GLP2R: variants seen among roughly 807,000 people sequenced by gnomAD.
GLP2R encodes glucagon-like peptide 2 receptor.
Under a neutral mutation model 68.2 loss-of-function variants are expected in GLP2R, and 59 were observed. That is an observed-to-expected ratio of 0.87 (90% confidence interval 0.70 to 1.07). The LOEUF (loss-of-function observed/expected upper bound fraction) is 1.07. GLP2R is among the 50% of genes least tolerant of loss of function. The pLI is 0.00. For missense variants in GLP2R, 548 were observed against 677.4 expected, an observed-to-expected ratio of 0.81 and a Z score of 2.12; for synonymous variants, 270 against 265.4, an observed-to-expected ratio of 1.02 and a Z score of -0.17.
chr17:9,853,350 A>C (rs1400895358), intron 4 of GLP2R: 1 of 184,464 alleles, frequency 5.4e-6, no homozygotes, highest in Non-Finnish European at 1.1e-5. Context: ...AGGTGGACAG[A>C]GATAAATGAC....
intron 10 of GLP2R, among the ~76,000 whole-genome samples, chr17:9,879,311 AAAATAAAAT>A (rs1567737356): frequency 1.3e-5 from 1 of 79,372 alleles, no homozygotes; most frequent in Non-Finnish European, 2.7e-5. Flanking sequence ...AAAATAAAAT[AAAATAAAAT>A]AAAATAAAAT....
intron 4 of GLP2R, among the ~76,000 whole-genome samples, chr17:9,843,334 C>T (rs543029798): frequency 3.3e-5 from 5 of 152,318 alleles, no homozygotes; most frequent in South Asian, 4.2e-4. Context: ...CTGCTCTTCC[C>T]GGCTGTGAAC....
At chr17:9,887,609 G>A (rs977971881) in intron 11 of GLP2R, among the ~76,000 whole-genome samples, 1 of 152,118 alleles carries the variant, frequency 6.6e-6, no homozygotes, top group Non-Finnish European at 1.5e-5. Flanking sequence ...CCCAATATTT[G>A]TATAATTGAA....
chr17:9,881,794 A>C (rs1162774474), intron 11 of GLP2R, among the ~76,000 whole-genome samples: 1 of 152,214 alleles, frequency 6.6e-6, no homozygotes, highest in Admixed American at 6.5e-5. Context: ...CACTGCACAA[A>C]GGCATGAATG....
At chr17:9,864,880 C>T (rs1423116637) in intron 9 of GLP2R, among the ~76,000 whole-genome samples, 1 of 152,142 alleles carries the variant, frequency 6.6e-6, no homozygotes, top group Non-Finnish European at 1.5e-5. Flanking sequence ...CTGCTTTGGG[C>T]CTTGCTGCTT....
chr17:9,840,409 G>A (rs996953888), intron 3 of GLP2R, among the ~76,000 whole-genome samples: 6 of 152,176 alleles, frequency 3.9e-5, no homozygotes, highest in African/African-American at 1.4e-4. Context: ...AAGCATTATG[G>A]CTAGTACAGA....
At chr17:9,838,950 C>T (rs928556221) in intron 3 of GLP2R, among the ~76,000 whole-genome samples, 3 of 152,294 alleles carry the variant, frequency 2.0e-5, no homozygotes, top group East Asian at 3.9e-4. Context: ...GAGGCGGAGC[C>T]TGCAGTGAGC....
Position 9,859,927 on chromosome 17 carries a change from T to C in GLP2R, c.766-15T>C, listed in dbSNP as rs765756568. 2 of 1,583,688 alleles carry C rather than the reference T, an allele frequency of 1.3e-6. No homozygotes were observed. Among genetic ancestry groups the C allele is most frequent in the Non-Finnish European group, 8.6e-7 (1 of 1,162,864 alleles). On this transcript the variant is annotated splice_polypyrimidine_tract_variant and intron_variant, in intron 6 of 12. Coordinates refer to ENST00000262441, the MANE Select transcript of GLP2R (RefSeq NM_004246.3). ...GGGAGCCTGGACTCACCCTCAGGTGTTTTTTCCTCTGCAGATGTCCACCTC... is the reference window on the plus strand; with the variant it reads ...GGGAGCCTGGACTCACCCTCAGGTGCTTTTTCCTCTGCAGATGTCCACCTC...
chr17:9,834,391 C>A (rs1192649636), intron 2 of GLP2R: 1 of 165,808 alleles, frequency 6.0e-6, no homozygotes, highest in Non-Finnish European at 1.3e-5. Flanking sequence ...TGTAGATTAG[C>A]CTGGGAATCT....
rs1480096724 is a variant in GLP2R at position 9,826,195 on chromosome 17, T to C, written c.132T>C (p.Ser44=). ...CTCTCTCCTTCCACAGGAAGTGCTC[T>C]CTCTGGGCCCCTGGGAGGCCCTTCC... ...TSPLSFHRKC[S]LWAPGRPFLT... Residue 44 remains serine (S), a synonymous_variant, in exon 1 of 13, where the codon TCT becomes TCC. Transcript: ENST00000262441. 4.3e-6 allele frequency: 7 copies of C among 1,613,468 alleles called. No homozygotes were observed. The highest frequency in any genetic ancestry group is 3.3e-5 in the South Asian group (3 of 90,914).
At chr17:9,861,972 T>C in intron 8 of GLP2R, 49 bp from the exon 9 acceptor site, 4 of 1,293,454 alleles carry the variant, frequency 3.1e-6, no homozygotes, top group Non-Finnish European at 4.5e-6. Context: ...ACTTTCAACC[T>C]CCTCTTGTTT....
intron 11 of GLP2R, among the ~76,000 whole-genome samples, chr17:9,882,294 A>G (rs2067204270): frequency 6.6e-6 from 1 of 152,226 alleles, no homozygotes; most frequent in Admixed American, 6.5e-5. Context: ...TGACAAAGAA[A>G]CAGGGAAGGA....
intron 3 of GLP2R, among the ~76,000 whole-genome samples, chr17:9,836,974 C>T (rs1432331538): frequency 1.3e-5 from 2 of 152,014 alleles, no homozygotes; most frequent in Non-Finnish European, 2.9e-5. Flanking sequence ...CTCAGCCTCC[C>T]GAGTAGCTGT....
intron 1 of GLP2R, among the ~76,000 whole-genome samples, chr17:9,831,989 A>G (rs2066684231): frequency 6.6e-6 from 1 of 152,210 alleles, no homozygotes; most frequent in Non-Finnish European, 1.5e-5. Context: ...CATGCCAGCC[A>G]GTTATATAGC....
intron 2 of GLP2R, among the ~76,000 whole-genome samples, chr17:9,835,866 CTG>C (rs2066724597): frequency 6.6e-6 from 1 of 151,792 alleles, no homozygotes; most frequent in Non-Finnish European, 1.5e-5. Context: ...CATAGTGAAA[CTG>C]TCTCTACTAA....
At chr17:9,853,301 T>G (rs1026207392) in intron 4 of GLP2R, 2 of 261,708 alleles carry the variant, frequency 7.6e-6, no homozygotes, top group Non-Finnish European at 1.5e-5. Flanking sequence ...CTCCATCGAG[T>G]CCTCCATGGG....
chr17:9,859,748 G>A (rs1185353070), intron 6 of GLP2R, among the ~76,000 whole-genome samples, 194 bp from the exon 7 acceptor site: 1 of 148,342 alleles, frequency 6.7e-6, no homozygotes, highest in Non-Finnish European at 1.5e-5. Flanking sequence ...GAACCAGGGA[G>A]CTGGAGGTTG....
At chr17:9,882,693 A>C (rs1164904549) in intron 11 of GLP2R, among the ~76,000 whole-genome samples, 1 of 152,230 alleles carries the variant, frequency 6.6e-6, no homozygotes, top group Non-Finnish European at 1.5e-5. Context: ...ACAACTTCTG[A>C]TCAATCATTG....
intron 10 of GLP2R, among the ~76,000 whole-genome samples, chr17:9,879,313 AATAAAATAAAATAAAATAAAATAAAAT>A (rs1597402854): frequency 4.4e-5 from 3 of 68,858 alleles, no homozygotes; most frequent in Admixed American, 1.5e-4. Flanking sequence ...AATAAAATAA[AATAAAATAAAATAAAATAAAATAAAAT>A]AAAATAATTA....
Sources: gnomAD v4.1 joint callset for allele counts (sites outside exome capture counted in the v4.1 genomes callset) on GRCh38, gnomAD v4.1.1 for gene constraint, MANE v1.5 for transcripts, NCBI Gene and HGNC (gene_info 2026-07-23, HGNC 2026-07-21) for gene names.